ZBTB16: variants seen among roughly 807,000 people sequenced by gnomAD.
ZBTB16 encodes zinc finger and BTB domain containing 16, also known as zinc finger and BTB domain-containing protein 16.
ZBTB16 carries 8 observed loss-of-function variants against 56.8 expected under a neutral mutation model. The ratio of observed to expected loss-of-function variants is 0.14; its 90% CI spans 0.08 to 0.25. The LOEUF is 0.25. Ranked by LOEUF, ZBTB16 falls within the 10% of genes least tolerant of loss-of-function variation. The pLI is 1.00. For synonymous variants in ZBTB16, 363 were observed against 368.5 expected (o/e 0.98, Z 0.17); for missense variants, 625 against 903.0 (o/e 0.69, Z 3.95).
At chr11:114,211,733 G>A (rs949208626) in intron 4 of ZBTB16, among the ~76,000 whole-genome samples, 4 of 152,182 alleles carry the variant, frequency 2.6e-5, no homozygotes, top group Admixed American at 2.6e-4. Flanking sequence ...GTTCGCAGTG[G>A]GGAGTTTGAC....
At chr11:114,204,079 TG>T (rs1257533522) in intron 4 of ZBTB16, among the ~76,000 whole-genome samples, 1 of 152,062 alleles carries the variant, frequency 6.6e-6, no homozygotes, top group Non-Finnish European at 1.5e-5. Flanking sequence ...AAATCATACC[TG>T]TAATACGGCT....
chr11:114,114,946 G>A (rs1231248036), intron 2 of ZBTB16, among the ~76,000 whole-genome samples: 1 of 152,152 alleles, frequency 6.6e-6, no homozygotes, highest in Non-Finnish European at 1.5e-5. Flanking sequence ...GCCTCCCAAA[G>A]TGCTGGGATT....
chr11:114,148,436 T>TCC lies in ZBTB16; in HGVS notation c.1269-7901_1269-7900insCC, dbSNP rs373061678. ...CCCTCCCTCCCTCCCTCTCTCTCTC[T>TCC]TTCTCTCTCTCTGTCTGTCTGTCTC... On this transcript the variant is annotated intron_variant, in intron 2 of 6. Transcript: ENST00000335953. Among the ~76,000 whole-genome samples the TCC allele has an allele frequency of 1.9e-3, 82 of 43,232 alleles. 4 individuals are homozygous for TCC. The highest frequency in any genetic ancestry group is 2.8e-3 in the Non-Finnish European group (64 of 22,988). 28.4% of individuals were successfully genotyped at this position (43,232 alleles called of 152,430 possible). A position where few individuals can be genotyped will look rare whatever the true frequency, so the allele number is the denominator to read the frequency against.
chr11:114,127,177 G>T (rs1387083382), intron 2 of ZBTB16, among the ~76,000 whole-genome samples: 3 of 152,126 alleles, frequency 2.0e-5, no homozygotes, highest in Admixed American at 6.5e-5. Context: ...GTGGGAGGGG[G>T]TCGTATGCAT....
intron 4 of ZBTB16, among the ~76,000 whole-genome samples, chr11:114,207,771 A>T (rs1264720507): frequency 1.3e-5 from 2 of 151,878 alleles, no homozygotes; most frequent in Non-Finnish European, 1.5e-5. Context: ...GCGACACCAC[A>T]CCCAGATAAT....
rs112887971 is a variant in ZBTB16, at chr11:114,180,103, C to G, written c.1367-6849C>G. ...CCCGCCTCTGGCATGTGCGTCCTGT[C>G]TTTCCACCGAACTTTAACTGGCTTT... On this transcript the variant is annotated intron_variant, in intron 3 of 6. Transcript: ENST00000335953. Among the ~76,000 whole-genome samples, 511 of 152,342 alleles carry G rather than the reference C, an allele frequency of 3.4e-3. 2 individuals are homozygous for G. The highest frequency in any genetic ancestry group is 0.012 in the African/African-American group (497 of 41,580).
At chr11:114,191,243 C>T (rs1408962752) in intron 4 of ZBTB16, among the ~76,000 whole-genome samples, 1 of 152,196 alleles carries the variant, frequency 6.6e-6, no homozygotes, top group Non-Finnish European at 1.5e-5. Context: ...AACTATATTA[C>T]ACCATATAAT....
chr11:114,066,802 C>T (rs1205321836), intron 2 of ZBTB16, among the ~76,000 whole-genome samples: 2 of 133,586 alleles, frequency 1.5e-5, no homozygotes, highest in African/African-American at 5.8e-5. Flanking sequence ...GACGGAGTCT[C>T]GCTCTGTCAC....
At chr11:114,205,047 C>G (rs879720839) in intron 4 of ZBTB16, among the ~76,000 whole-genome samples, 3 of 152,080 alleles carry the variant, frequency 2.0e-5, no homozygotes, top group Non-Finnish European at 4.4e-5. Flanking sequence ...TTAAGTATCC[C>G]AGGCCCAACT....
chr11:114,211,133 G>A (rs980624765), intron 4 of ZBTB16, among the ~76,000 whole-genome samples: 2 of 152,104 alleles, frequency 1.3e-5, no homozygotes, highest in East Asian at 1.9e-4. Flanking sequence ...TTTTGGCCAG[G>A]CTGGTCTCAA....
rs1944461058 is a variant in ZBTB16 at position 114,232,594 on chromosome 11, G to A, written c.1454-9573G>A. On this transcript the variant is annotated intron_variant, in intron 4 of 6. Transcript: ENST00000335953. ...CTTCCACATCAGATGCCCCACCCAG[G>A]GTTGGGCTGGGTTGGGTTGGGCTGG... Among the ~76,000 whole-genome samples, 8 of 107,854 alleles carry A rather than the reference G, an allele frequency of 7.4e-5. No individual in the cohort carries two copies. In the South Asian group the frequency reaches 2.0e-3, roughly 28 times the overall value. The allele number at this position is 107,854 out of a possible 152,430, so 70.8% of individuals were successfully genotyped here. A position where few individuals can be genotyped will look rare whatever the true frequency, so the allele number is the denominator to read the frequency against.
intron 2 of ZBTB16, among the ~76,000 whole-genome samples, chr11:114,102,183 C>T (rs1940631528): frequency 6.6e-6 from 1 of 152,094 alleles, no homozygotes; most frequent in Non-Finnish European, 1.5e-5. Flanking sequence ...AGCTGCTTTG[C>T]CCTGCAGACT....
chr11:114,238,560 A>G (rs1030633427), intron 4 of ZBTB16, among the ~76,000 whole-genome samples: 1 of 152,026 alleles, frequency 6.6e-6, no homozygotes, highest in Non-Finnish European at 1.5e-5. Context: ...TTACCTAATT[A>G]TCTCTCCCAG....
chr11:114,233,095 A>G lies in ZBTB16; in HGVS notation c.1454-9072A>G, dbSNP rs1448612106. 5.7e-3 allele frequency among the ~76,000 whole-genome samples: 188 copies of G among 32,798 alleles called. 7 individuals carry two copies. The highest frequency in any genetic ancestry group is 9.6e-3 in the African/African-American group (150 of 15,692). The allele number at this position is 32,798 out of a possible 152,430, so 21.5% of individuals were successfully genotyped here. A position where few individuals can be genotyped will look rare whatever the true frequency, so the allele number is the denominator to read the frequency against. On this transcript the variant is annotated intron_variant, in intron 4 of 6. Transcript: ENST00000335953. ...CGCGCGCGCGCGCACACACACACAC[A>G]CACACACACACACACACACACACAC...
rs146900778 is a variant in ZBTB16 at position 114,225,979 on chromosome 11, A to G, written c.1454-16188A>G. ...AGAGATACTAAGTGATTTGCATATG[A>G]TTATGTAGTTAGTAAATAAATGGAA... On this transcript the variant is annotated intron_variant, in intron 4 of 6. Coordinates refer to ENST00000335953, the MANE Select transcript of ZBTB16 (RefSeq NM_006006.6). Among the ~76,000 whole-genome samples the G allele has an allele frequency of 2.8e-3, 429 of 152,336 alleles. 2 individuals carry two copies. The highest frequency in any genetic ancestry group is 9.8e-3 in the African/African-American group (407 of 41,584).
intron 2 of ZBTB16, among the ~76,000 whole-genome samples, chr11:114,123,148 C>T (rs1941391581): frequency 1.3e-5 from 2 of 152,136 alleles, no homozygotes; most frequent in Admixed American, 1.3e-4. Flanking sequence ...CGCATTTAAC[C>T]TTAATTACTT....
chr11:114,237,646 CA>C (rs754460839), intron 4 of ZBTB16, among the ~76,000 whole-genome samples: 55 of 152,316 alleles, frequency 3.6e-4, no homozygotes, highest in Admixed American at 1.2e-3. Flanking sequence ...CAAAAGCTAG[CA>C]TTTATTTGCT....
intron 6 of ZBTB16, among the ~76,000 whole-genome samples, chr11:114,248,720 C>T (rs1944861264): frequency 6.6e-6 from 1 of 152,128 alleles, no homozygotes; most frequent in South Asian, 2.1e-4. Flanking sequence ...TTTTTCGTGT[C>T]CCAGTTTGAG....
chr11:114,253,471 G>T lies in ZBTB16; in HGVS notation c.*2916G>T, dbSNP rs906262705. ...TTTGTACATGTATGTGCGTGTGCGC[G>T]TGTGCTTTGTGTGTGTGGTTGTGTG... On this transcript the variant is annotated 3_prime_UTR_variant, in exon 7 of 7. Coordinates refer to ENST00000335953, the MANE Select transcript of ZBTB16 (RefSeq NM_006006.6). Among the ~76,000 whole-genome samples the T allele has an allele frequency of 1.3e-5, 2 of 152,200 alleles. No individual in the cohort carries two copies. The highest frequency in any genetic ancestry group is 3.8e-4 in the East Asian group (2 of 5,196).
Sources: allele counts gnomAD v4.1 joint callset (sites outside exome capture counted in the v4.1 genomes callset), GRCh38; gene constraint gnomAD v4.1.1; transcripts MANE v1.5; gene names NCBI Gene and HGNC (gene_info 2026-07-23, HGNC 2026-07-21).